VCL: variants seen among roughly 807,000 people sequenced by gnomAD.
VCL encodes epididymis luminal protein 114.
Under a neutral mutation model 125.7 loss-of-function variants are expected in VCL, and 47 were observed. The observed-to-expected ratio is 0.37, with a 90% CI of 0.30 to 0.48. The LOEUF is 0.48. Among genes scored for constraint, VCL ranks in the 20% least tolerant of loss-of-function variants. VCL has a pLI of 0.99. For synonymous variants in VCL, 458 were observed against 514.6 expected, an observed-to-expected ratio of 0.89 and a Z score of 1.49; for missense variants, 1,069 against 1,455.5, an observed-to-expected ratio of 0.73 and a Z score of 4.32.
chr10:74,038,006 T>C (rs34884415), intron 1 of VCL, among the ~76,000 whole-genome samples: 22,573 of 150,130 alleles, frequency 0.15, 1,796 homozygotes, highest in East Asian at 0.22. Flanking sequence ...TTTCTTTTTT[T>C]TTTTTTTTTG....
intron 2 of VCL, among the ~76,000 whole-genome samples, chr10:74,064,080 C>G (rs765265266): frequency 6.6e-6 from 1 of 152,218 alleles, no homozygotes; most frequent in Non-Finnish European, 1.5e-5. Flanking sequence ...TCTGACTTTA[C>G]TACAAAGTTG....
At chr10:74,107,489 A>G in intron 17 of VCL, 135 bp downstream of exon 17, 7 of 1,433,478 alleles carry the variant, frequency 4.9e-6, no homozygotes, top group Non-Finnish European at 6.7e-6. Context: ...AGTGGGAGGC[A>G]GATCTCGATT....
chr10:74,111,033 G>A (rs1251490553), intron 18 of VCL, among the ~76,000 whole-genome samples: 2 of 152,080 alleles, frequency 1.3e-5, no homozygotes, highest in Admixed American at 1.3e-4. Flanking sequence ...GCAGAGTTTG[G>A]GGTGAGTGAG....
At chr10:74,045,734 G>A (rs541201406) in intron 2 of VCL, among the ~76,000 whole-genome samples, 1 of 152,128 alleles carries the variant, frequency 6.6e-6, no homozygotes, top group East Asian at 1.9e-4. Context: ...GGTCACCACA[G>A]CCAGGGTAGT....
At chr10:74,045,029 C>T (rs981444419) in intron 2 of VCL, among the ~76,000 whole-genome samples, 8 of 151,520 alleles carry the variant, frequency 5.3e-5, no homozygotes, top group African/African-American at 1.2e-4. Flanking sequence ...ACATTAGCTC[C>T]GTGTGGTGGT....
intron 1 of VCL, among the ~76,000 whole-genome samples, chr10:74,000,982 T>TC (rs1259097784): frequency 6.6e-6 from 1 of 152,184 alleles, no homozygotes; most frequent in Non-Finnish European, 1.5e-5. Flanking sequence ...GTAAGTCACT[T>TC]CCAGGTTACA....
chr10:74,022,905 T>C (rs1840700061), intron 1 of VCL, among the ~76,000 whole-genome samples: 1 of 152,138 alleles, frequency 6.6e-6, no homozygotes, highest in Admixed American at 6.5e-5. Context: ...CCTCCCAAAG[T>C]GCTGGGATTA....
rs138018528 is a variant in VCL, at chr10:74,114,434, T to TGTGTGTGTGC, written c.3153+50_3153+51insTGTGTGCGTG. 503 of 1,468,470 alleles carry TGTGTGTGTGC rather than the reference T, an allele frequency of 3.4e-4. 12 individuals carry two copies. The African/African-American group carries it at 6.1e-3, about 18-fold the overall frequency. 91.0% of individuals were successfully genotyped at this position (1,468,470 alleles called of 1,614,324 possible). On this transcript the variant is annotated intron_variant, in intron 20 of 21. Transcript: ENST00000211998. ...GTGTGTGTGTGTGTGTGTGTGTGTG[T>TGTGTGTGTGC]GTGCGTGTGTGTGTGTGTTGGAGGG...
chr10:74,100,271 C>T (rs1163268695), intron 13 of VCL, among the ~76,000 whole-genome samples: 1 of 152,202 alleles, frequency 6.6e-6, no homozygotes, highest in Non-Finnish European at 1.5e-5. Context: ...CAACCTTGCA[C>T]AGTATCCCTG....
chr10:74,077,719 A>G (rs1231083189), intron 6 of VCL: 1 of 455,866 alleles, frequency 2.2e-6, no homozygotes, highest in African/African-American at 2.0e-5. Context: ...CTGGAAAGTG[A>G]TGATTCCTCT....
At chr10:74,064,720 T>C (rs922218557) in intron 2 of VCL, among the ~76,000 whole-genome samples, 6 of 152,172 alleles carry the variant, frequency 3.9e-5, no homozygotes, top group Non-Finnish European at 8.8e-5. Flanking sequence ...AAAGACACTT[T>C]TAAGTGTCAA....
At position 74,068,620 on chromosome 10, in the gene VCL, C is replaced by T. The variant is rs772907821; in HGVS notation, c.240-2050C>T. 1.1e-3 allele frequency among the ~76,000 whole-genome samples: 166 copies of T among 152,266 alleles called. 1 individual carries two copies. Among genetic ancestry groups the T allele is most frequent in the African/African-American group, 3.7e-3 (153 of 41,564 alleles). On this transcript the variant is annotated intron_variant, in intron 2 of 21. Transcript: ENST00000211998. Reference sequence around the variant, plus strand: ...GATTACACGTGTGAGCCACCATGCGCGGCCCTCTTTATGTACTTTTAATAG... The same window carrying T: ...GATTACACGTGTGAGCCACCATGCGTGGCCCTCTTTATGTACTTTTAATAG...
Position 74,108,972 on chromosome 10 carries a change from T to C in VCL, c.2561T>C (p.Leu854Pro), listed in dbSNP as rs1840179536. ...PPPPDLEQLR[L>P]TDELAPPKPP... ...TACAACTTGTTTTCTCTTTTTTAGCTAACAGATGAGCTTGCTCCTCCCAAA... is the reference window on the plus strand; with the variant it reads ...TACAACTTGTTTTCTCTTTTTTAGCCAACAGATGAGCTTGCTCCTCCCAAA... The change falls in exon 18 of 22, where the codon CTA becomes CCA. Residue 854 changes from leucine to proline, a missense_variant and splice_region_variant. Coordinates refer to ENST00000211998, the MANE Select transcript of VCL (RefSeq NM_014000.3). The C allele has an allele frequency of 6.2e-7, 1 of 1,613,992 alleles. No individual in the cohort carries two copies. Among genetic ancestry groups the C allele is most frequent in the South Asian group, 1.1e-5 (1 of 91,086 alleles).
Position 74,003,670 on chromosome 10 carries a change from T to G in VCL, c.168+5295T>G, listed in dbSNP as rs555001397. ...TTCTTGGGACCAGCTCTGGGACAAA[T>G]AGCAGTATTATCTTCACTTTACACT... On this transcript the variant is annotated intron_variant, in intron 1 of 21. Coordinates refer to ENST00000211998, the MANE Select transcript of VCL (RefSeq NM_014000.3). Among the ~76,000 whole-genome samples, 35 of 152,308 alleles carry G rather than the reference T, an allele frequency of 2.3e-4. No homozygotes were observed. The East Asian group carries it at 3.3e-3, about 14-fold the overall frequency.
chr10:74,014,187 G>GT (rs897588269), intron 1 of VCL, among the ~76,000 whole-genome samples: 7 of 152,090 alleles, frequency 4.6e-5, no homozygotes, highest in African/African-American at 1.7e-4. Flanking sequence ...AGGATTTAGG[G>GT]TTTTAACTCA....
At position 74,100,981 on chromosome 10, in the gene VCL, C is replaced by G; in HGVS notation, c.1906C>G (p.His636Asp). 6.2e-7 allele frequency: 1 copy of G among 1,613,870 alleles called. No homozygotes were observed. The highest frequency in any genetic ancestry group is 8.5e-7 in the Non-Finnish European group (1 of 1,179,944). ...TGAGAGGGCAGCTAACTTTGAAAAC[C>G]ATTCAGGAAAGCTTGGTGCTACGGC... is the stretch of plus-strand genomic sequence containing the variant. ...FDERAANFEN[H>D]SGKLGATAEK... The change falls in exon 14 of 22, where the codon CAT becomes GAT. Residue 636 changes from histidine to aspartate, a missense_variant. By Grantham distance (81) the His-to-Asp change is moderately conservative (BLOSUM62 -1). Transcript: ENST00000211998.
intron 2 of VCL, among the ~76,000 whole-genome samples, chr10:74,066,021 G>C (rs1226519729): frequency 6.7e-6 from 1 of 149,550 alleles, no homozygotes; most frequent in East Asian, 1.9e-4. Context: ...ACATCCAGCA[G>C]AGGTAGAATG....
At chr10:74,070,321 A>C (rs572685313) in intron 2 of VCL, among the ~76,000 whole-genome samples, 1 of 152,348 alleles carries the variant, frequency 6.6e-6, no homozygotes, top group African/African-American at 2.4e-5. Flanking sequence ...CATTGCAGAG[A>C]TAGAGCAACC....
Position 74,107,417 on chromosome 10 carries a change from G to A in VCL, c.2559+63G>A, listed in dbSNP as rs1267646334. On this transcript the variant is annotated intron_variant, in intron 17 of 21. Coordinates refer to ENST00000211998, the MANE Select transcript of VCL (RefSeq NM_014000.3). ...GGTGTTGAGACTTCAGCAAGAGAGA[G>A]GTAGATTGTGTTTTAGAGCCTCCAT... The A allele has an allele frequency of 2.5e-6, 4 of 1,612,874 alleles. No individual in the cohort carries two copies. The Admixed American group carries it at 6.7e-5, about 27-fold the overall frequency.
Sources: gnomAD v4.1 joint callset for allele counts (sites outside exome capture counted in the v4.1 genomes callset) on GRCh38, gnomAD v4.1.1 for gene constraint, MANE v1.5 for transcripts, NCBI Gene and HGNC (gene_info 2026-07-23, HGNC 2026-07-21) for gene names.